The following FBXL7 variants were observed in gnomAD, a reference collection of about 807,000 sequenced individuals.
FBXL7 encodes the protein F-box/LRR-repeat protein 7.
In FBXL7, 12 loss-of-function variants were observed where a neutral mutation model predicts 38.3. The ratio of observed to expected loss-of-function variants is 0.31; its 90% CI spans 0.20 to 0.51. The LOEUF is 0.51. Among genes scored for constraint, FBXL7 ranks in the 20% least tolerant of loss-of-function variants. The pLI is 0.98. For missense variants in FBXL7, 567 were observed against 676.4 expected (o/e 0.84, Z 1.79); for synonymous variants, 297 against 300.9 (o/e 0.99, Z 0.13).
chr5:15,681,938 G>C (rs1312372883), intron 2 of FBXL7, among the ~76,000 whole-genome samples: 2 of 152,166 alleles, frequency 1.3e-5, no homozygotes, highest in Non-Finnish European at 2.9e-5. Flanking sequence ...TCTCTAGTTT[G>C]TTTCATTTAG....
intron 2 of FBXL7, among the ~76,000 whole-genome samples, chr5:15,622,529 T>C (rs921877639): frequency 3.9e-5 from 6 of 152,106 alleles, no homozygotes; most frequent in African/African-American, 1.2e-4. Context: ...AGTGAGAACA[T>C]GCGGTGTTTG....
rs562027000 is a variant in FBXL7, at chr5:15,551,572, A to G, written c.37+50859A>G. The stretch of plus-strand genomic sequence containing the variant: ...AGTGTGCCTTCATGGCAGCATGGAG[A>G]TGGACACTCCTGGTTGGGACTCCTG... On this transcript the variant is annotated intron_variant, in intron 1 of 3. Transcript: ENST00000504595. Among the ~76,000 whole-genome samples, 28 of 152,338 alleles carry G rather than the reference A, an allele frequency of 1.8e-4. No individual in the cohort carries two copies. In the South Asian group the frequency reaches 5.4e-3, roughly 29 times the overall value.
At chr5:15,526,749 A>G (rs918456235) in intron 1 of FBXL7, among the ~76,000 whole-genome samples, 1 of 152,220 alleles carries the variant, frequency 6.6e-6, no homozygotes, top group Admixed American at 6.5e-5. Flanking sequence ...GGGAAACCTC[A>G]TAATCATTAA....
At chr5:15,750,408 T>C (rs1736125418) in intron 2 of FBXL7, among the ~76,000 whole-genome samples, 1 of 152,190 alleles carries the variant, frequency 6.6e-6, no homozygotes, top group Non-Finnish European at 1.5e-5. Context: ...ATGTGCCTTC[T>C]TGTACTACTT....
chr5:15,812,437 G>A (rs538259402), intron 2 of FBXL7, among the ~76,000 whole-genome samples: 6 of 152,176 alleles, frequency 3.9e-5, no homozygotes, highest in East Asian at 1.9e-4. Flanking sequence ...GCAAACCACC[G>A]TGGCACATGT....
At chr5:15,841,777 T>G (rs1439054922) in intron 2 of FBXL7, among the ~76,000 whole-genome samples, 1 of 152,240 alleles carries the variant, frequency 6.6e-6, no homozygotes, top group Non-Finnish European at 1.5e-5. Context: ...GCTGGGGCTG[T>G]GGCTTCAGAG....
chr5:15,784,668 AC>A (rs930092734), intron 2 of FBXL7, among the ~76,000 whole-genome samples: 15 of 151,680 alleles, frequency 9.9e-5, no homozygotes, highest in Non-Finnish European at 2.2e-4. Flanking sequence ...GCATCTCCCC[AC>A]CCCCCTGCTC....
chr5:15,532,466 G>T (rs917109144), intron 1 of FBXL7, among the ~76,000 whole-genome samples: 1 of 152,204 alleles, frequency 6.6e-6, no homozygotes, highest in African/African-American at 2.4e-5. Flanking sequence ...CCATGAGATT[G>T]TATTCTGATG....
chr5:15,844,344 G>A (rs1428145953), intron 2 of FBXL7, among the ~76,000 whole-genome samples: 5 of 152,130 alleles, frequency 3.3e-5, no homozygotes, highest in South Asian at 2.1e-4. Flanking sequence ...GATGCCCCCC[G>A]TGAAAACCCA....
intron 1 of FBXL7, among the ~76,000 whole-genome samples, chr5:15,504,177 CG>C (rs1478926426): frequency 3.9e-5 from 6 of 152,188 alleles, no homozygotes; most frequent in Non-Finnish European, 1.5e-5. Context: ...GCATCAACTC[CG>C]GGGTGTTTGT....
chr5:15,930,118 A>G (rs574439603), intron 3 of FBXL7, among the ~76,000 whole-genome samples: 1 of 152,208 alleles, frequency 6.6e-6, no homozygotes, highest in South Asian at 2.1e-4. Context: ...TGGCTTCAAG[A>G]CAAAACCATA....
At chr5:15,914,916 A>G (rs1279964844) in intron 2 of FBXL7, among the ~76,000 whole-genome samples, 1 of 152,218 alleles carries the variant, frequency 6.6e-6, no homozygotes, top group Non-Finnish European at 1.5e-5. Context: ...GCAAAGGGCT[A>G]TGATGCAGAT....
intron 2 of FBXL7, among the ~76,000 whole-genome samples, chr5:15,673,839 T>C (rs1371322449): frequency 6.6e-6 from 1 of 152,186 alleles, no homozygotes; most frequent in Non-Finnish European, 1.5e-5. Flanking sequence ...CTGCCATTTA[T>C]GTTTTAAACC....
At chr5:15,920,902 A>G (rs1307853812) in intron 2 of FBXL7, among the ~76,000 whole-genome samples, 1 of 152,118 alleles carries the variant, frequency 6.6e-6, no homozygotes, top group Non-Finnish European at 1.5e-5. Flanking sequence ...AATACACTAG[A>G]TATCATTAGG....
chr5:15,585,235 CAG>C (rs1298436166), intron 1 of FBXL7, among the ~76,000 whole-genome samples: 4 of 152,134 alleles, frequency 2.6e-5, no homozygotes, highest in African/African-American at 9.7e-5. Context: ...AAAGGAAAGA[CAG>C]AAATGTACAC....
At chr5:15,780,499 A>G (rs1736965966) in intron 2 of FBXL7, among the ~76,000 whole-genome samples, 1 of 152,142 alleles carries the variant, frequency 6.6e-6, no homozygotes, top group African/African-American at 2.4e-5. Context: ...GGTAAATTTG[A>G]CCCATAAACC....
At chr5:15,769,065 C>T (rs1051085307) in intron 2 of FBXL7, among the ~76,000 whole-genome samples, 1 of 152,184 alleles carries the variant, frequency 6.6e-6, no homozygotes, top group East Asian at 1.9e-4. Context: ...AGACAGGCAG[C>T]AGGGCATAGA....
At chr5:15,767,772 A>G (rs752867799) in intron 2 of FBXL7, among the ~76,000 whole-genome samples, 1 of 152,204 alleles carries the variant, frequency 6.6e-6, no homozygotes, top group Non-Finnish European at 1.5e-5. Flanking sequence ...TGGGAAGATA[A>G]ATATTTGATG....
At chr5:15,627,254 G>T (rs1740849235) in intron 2 of FBXL7, among the ~76,000 whole-genome samples, 1 of 152,194 alleles carries the variant, frequency 6.6e-6, no homozygotes, top group African/African-American at 2.4e-5. Flanking sequence ...AGCCATTCAG[G>T]GCGGGATAAA....
Sources: gnomAD v4.1 joint callset for allele counts (sites outside exome capture counted in the v4.1 genomes callset) on GRCh38, gnomAD v4.1.1 for gene constraint, MANE v1.5 for transcripts, NCBI Gene and HGNC (gene_info 2026-07-23, HGNC 2026-07-21) for gene names.